Variants in COL4A4 observed in about 807,000 individuals in gnomAD.
COL4A4 encodes the protein collagen type IV alpha 4 chain.
In COL4A4, 105 loss-of-function variants were observed where a neutral mutation model predicts 192.9. The observed-to-expected ratio is 0.54, with a 90% confidence interval of 0.46 to 0.64. The LOEUF (loss-of-function observed/expected upper bound fraction) is 0.64, where lower values mean the gene tolerates loss of function less well. COL4A4 is among the 30% of genes least tolerant of loss of function. The pLI, the probability that COL4A4 is intolerant of heterozygous loss-of-function variation, is 0.00. For missense variants in COL4A4, 1,967 were observed against 2,169.3 expected (o/e 0.91, Z 1.85); for synonymous variants, 762 against 769.9 (o/e 0.99, Z 0.17).
At chr2:226,975,116 A>T in the COL4A4 span, among the ~76,000 whole-genome samples, 11 of 152,298 alleles carry the variant, frequency 7.2e-5, no homozygotes, top group African/African-American at 2.2e-4. Flanking sequence ...TCTAATATAA[A>T]ATCTTTCAGA....
intron 25 of COL4A4, among the ~76,000 whole-genome samples, chr2:227,064,192 A>T (rs2150325458): frequency 6.6e-6 from 1 of 152,350 alleles, no homozygotes; most frequent in Non-Finnish European, 1.5e-5. Flanking sequence ...ATGAACAAAA[A>T]AATTCTCTAG....
chr2:227,120,686 A>G (rs1348762314), intron 5 of COL4A4: 1 of 301,906 alleles, frequency 3.3e-6, no homozygotes, highest in Non-Finnish European at 6.4e-6. Context: ...GCCTGTAATT[A>G]CAGCATTTTG....
At chr2:227,146,422 A>C (rs2063552535) in intron 2 of COL4A4, among the ~76,000 whole-genome samples, 1 of 151,616 alleles carries the variant, frequency 6.6e-6, no homozygotes, top group Non-Finnish European at 1.5e-5. Flanking sequence ...TTTCTTGTTC[A>C]TTATCCTCAG....
downstream of COL4A4, among the ~76,000 whole-genome samples, chr2:227,001,618 T>TATC (rs1333842715): frequency 2.0e-5 from 3 of 152,284 alleles, no homozygotes; most frequent in Admixed American, 6.5e-5. Flanking sequence ...ATAAAAGTAT[T>TATC]ATCTTTAGAA....
At chr2:227,029,289 C>T (rs937761232) in intron 41 of COL4A4, among the ~76,000 whole-genome samples, 1 of 152,164 alleles carries the variant, frequency 6.6e-6, no homozygotes, top group African/African-American at 2.4e-5. Context: ...GAGTGTTAGC[C>T]AGCCCCTTCC....
intron 38 of COL4A4, 126 bp downstream of exon 38, chr2:227,033,284 C>T (rs772680887): frequency 1.3e-6 from 1 of 781,244 alleles, no homozygotes; most frequent in Non-Finnish European, 2.2e-6. Context: ...TGTCTCTAAC[C>T]TAAGCCAGTT....
chr2:227,031,716 A>T lies in COL4A4; in HGVS notation c.3817+229T>A, dbSNP rs10176882. 0.43 allele frequency among the ~76,000 whole-genome samples: 64,617 copies of T among 151,888 alleles called. 13,927 individuals carry two copies. The highest frequency in any genetic ancestry group is 0.56 in the South Asian group (2,714 of 4,810). ...TTCTAGCCTGAAGAGACGAGGGTCT[A>T]ACAGAGCTGAAATTGAAGAGAGGGC... On this transcript the variant is annotated intron_variant, in intron 40 of 47. Transcript: ENST00000396625.
intron 3 of COL4A4, among the ~76,000 whole-genome samples, chr2:227,142,262 C>T (rs57928296): frequency 0.023 from 3,560 of 152,038 alleles, 122 homozygotes; most frequent in African/African-American, 0.082. Context: ...AGGTCTGCAC[C>T]TCAAAAATAG....
chr2:227,116,578 G>A (rs182616054), intron 7 of COL4A4, among the ~76,000 whole-genome samples: 22 of 152,240 alleles, frequency 1.4e-4, no homozygotes, highest in Middle Eastern at 3.4e-3. Context: ...TGAAAATGAA[G>A]CAAAGAAATG....
the COL4A4 span, among the ~76,000 whole-genome samples, chr2:226,989,702 A>G: frequency 6.6e-6 from 1 of 152,188 alleles, no homozygotes; most frequent in African/African-American, 2.4e-5. Flanking sequence ...CTGATGTTAT[A>G]GCTTACTCGA....
At chr2:227,114,800 T>C (rs1292516348) in intron 7 of COL4A4, 104 bp from the exon 8 acceptor site, 3 of 910,698 alleles carry the variant, frequency 3.3e-6, no homozygotes, top group Non-Finnish European at 5.4e-6. Flanking sequence ...ATTACCATTA[T>C]TGACATGATT....
rs936178133 is a variant in COL4A4, at chr2:227,143,018, A to G, written c.114+1498T>C. Among the ~76,000 whole-genome samples the G allele has an allele frequency of 4.1e-5, 6 of 146,608 alleles. No homozygotes were observed. In the East Asian group the frequency reaches 9.9e-4, roughly 24 times the overall value. On this transcript the variant is annotated intron_variant, in intron 3 of 47. Coordinates refer to ENST00000396625, the MANE Select transcript of COL4A4 (RefSeq NM_000092.5). ...ACCTCATTCACACACACACACACAC[A>G]CGCACACACAGAGGCAGATGAGCAC...
chr2:227,078,069 A>G lies in COL4A4; in HGVS notation c.1812T>C (p.His604=), dbSNP rs371381056. The change falls in exon 25 of 48, where the codon CAT becomes CAC. Residue 604 remains histidine, a synonymous_variant. Transcript: ENST00000396625. The stretch of plus-strand genomic sequence containing the variant: ...CTTTACCACCTGGGGTCGCATCTTC[A>G]TGATCCCCCTGGGAATGTTATGTCA... The part of the protein sequence containing the change: ...EKGDPGPPGD[H]EDATPGGKGF... 135 of 1,613,952 alleles carry G rather than the reference A, an allele frequency of 8.4e-5. No homozygotes were observed. In the African/African-American group the frequency reaches 1.5e-3, roughly 18 times the overall value.
the COL4A4 span, among the ~76,000 whole-genome samples, chr2:226,983,968 T>C: frequency 1.3e-5 from 2 of 152,218 alleles, no homozygotes; most frequent in African/African-American, 4.8e-5. Context: ...TATTTGTGAA[T>C]GGAGGAACTG....
chr2:227,081,247 A>G (rs2059308637), intron 23 of COL4A4, among the ~76,000 whole-genome samples: 1 of 152,072 alleles, frequency 6.6e-6, no homozygotes, highest in Non-Finnish European at 1.5e-5. Context: ...AGGAAGACCT[A>G]CTCCCAATGT....
In COL4A4 at chr2:227,094,218, C is replaced by T. The variant is rs552375817; in HGVS notation, c.1276G>A (p.Gly426Arg). Residue 426 changes from glycine (G) to arginine (R), a missense_variant, in exon 20 of 48, where the codon GGG becomes AGG. Coordinates refer to ENST00000396625, the MANE Select transcript of COL4A4 (RefSeq NM_000092.5). ...PGLPGEAGIP[G>R]RPDSAPGKPG... Reference sequence around the variant, plus strand: ...TTTCCTGGAGCAGAATCAGGTCTCCCAGGAATACCAGCTTCTCCTGGAAGC... The same window carrying T: ...TTTCCTGGAGCAGAATCAGGTCTCCTAGGAATACCAGCTTCTCCTGGAAGC... 3.7e-6 allele frequency: 6 copies of T among 1,613,770 alleles called. No individual in the cohort carries two copies. In the South Asian group the frequency reaches 6.6e-5, roughly 18 times the overall value.
At position 227,051,016 on chromosome 2, in the gene COL4A4, TAG is replaced by T. The variant is rs1559500363; in HGVS notation, c.3109_3110del (p.Leu1037LysfsTer12). 1 of 1,614,196 alleles carries T rather than the reference TAG, an allele frequency of 6.2e-7. No homozygotes were observed. Among genetic ancestry groups the T allele is most frequent in the Middle Eastern group, 1.6e-4 (1 of 6,062 alleles). ...GTCCTGGAAAACCAATGAACCCTCT[TAG>T]ACCAGTTGAGCCTGGAGGGCCTGGG... ...GPPGPPGSTG[L>X]RGFIGFPGLP... On this transcript the variant is annotated frameshift_variant, in exon 33 of 48. Transcript: ENST00000396625. LOFTEE classifies it high-confidence loss of function.
chr2:227,101,471 A>G, intron 17 of COL4A4, 33 bp downstream of exon 17: 1 of 1,534,274 alleles, frequency 6.5e-7, no homozygotes. Flanking sequence ...ATAAACTTTT[A>G]TCAGGATATA....
chr2:227,098,711 G>C lies in COL4A4; in HGVS notation c.1187C>G (p.Pro396Arg). 1.2e-6 allele frequency: 2 copies of C among 1,613,936 alleles called. No homozygotes were observed. The highest frequency in any genetic ancestry group is 1.1e-5 in the South Asian group (1 of 91,054). ...PPGPPGLLGR[P>R]GEACAGMIGP... ...ATCCGTACCTGCACAGGCTTCCCCT[G>C]GTCTGCCCAAGAGACCTGGGGGACC... The change falls in exon 19 of 48, where the codon CCA becomes CGA. Residue 396 changes from proline to arginine, a missense_variant. Pro to Arg is a moderately radical substitution (Grantham distance 103). Transcript: ENST00000396625.
Sources: allele counts gnomAD v4.1 joint callset (sites outside exome capture counted in the v4.1 genomes callset), GRCh38; gene constraint gnomAD v4.1.1; transcripts MANE v1.5; gene names NCBI Gene and HGNC (gene_info 2026-07-23, HGNC 2026-07-21).